TRIP13: variants seen among roughly 807,000 people sequenced by gnomAD.
The protein encoded by TRIP13 is pachytene checkpoint protein 2 homolog.
In TRIP13, 25 loss-of-function variants were observed where a neutral mutation model predicts 54.4. The observed-to-expected ratio is 0.46, with a 90% CI of 0.33 to 0.64. The LOEUF (loss-of-function observed/expected upper bound fraction) is 0.64. Ranked by LOEUF, TRIP13 falls within the 30% of genes least tolerant of loss-of-function variation. The pLI is 0.02. For missense variants in TRIP13, 373 were observed against 534.2 expected, an observed-to-expected ratio of 0.70 and a Z score of 2.97; for synonymous variants, 207 against 207.8, an observed-to-expected ratio of 1.00 and a Z score of 0.03.
chr5:903,484 C>T lies in TRIP13; in HGVS notation c.536-664C>T, dbSNP rs189861945. On this transcript the variant is annotated intron_variant, in intron 5 of 12. Coordinates refer to ENST00000166345, the MANE Select transcript of TRIP13 (RefSeq NM_004237.4). ...ATATAATCATATCTAAGATCTATAT[C>T]TAGTATAATTATTCTTATTTTATTT... Among the ~76,000 whole-genome samples the T allele has an allele frequency of 2.2e-4, 34 of 152,150 alleles. No individual in the cohort carries two copies. The East Asian group carries it at 5.8e-3, about 26-fold the overall frequency.
rs1273664313 is a variant in TRIP13, at chr5:901,235, G to C, written c.445-106G>C. 3.0e-5 allele frequency: 29 copies of C among 973,068 alleles called. No homozygotes were observed. The South Asian group carries it at 4.6e-4, about 15-fold the overall frequency. 60.3% of individuals were successfully genotyped at this position (973,068 alleles called of 1,614,324 possible). A position where few individuals can be genotyped will look rare whatever the true frequency, so the allele number is the denominator to read the frequency against. On this transcript the variant is annotated intron_variant, in intron 4 of 12. Coordinates refer to ENST00000166345, the MANE Select transcript of TRIP13 (RefSeq NM_004237.4). ...CTCTTAGGAGGCGGCCTCGCTCCCT[G>C]TGCTCCCTCTTCTCATGTAGGATTA...
chr5:901,510 G>C, intron 5 of TRIP13, 79 bp downstream of exon 5: 1 of 1,390,368 alleles, frequency 7.2e-7, no homozygotes, highest in Non-Finnish European at 1.0e-6. Flanking sequence ...CCTTCTGCAA[G>C]GAGTTACGGC....
rs1019037516 is a variant in TRIP13, at chr5:900,407, T to C, written c.389-87T>C. 1.5e-5 allele frequency: 20 copies of C among 1,357,290 alleles called. No homozygotes were observed. The African/African-American group carries it at 2.6e-4, about 18-fold the overall frequency. 84.1% of individuals were successfully genotyped at this position (1,357,290 alleles called of 1,614,324 possible). On this transcript the variant is annotated intron_variant, in intron 3 of 12. Transcript: ENST00000166345. ...TGCCTGGAGCAGCACAATGGGAAGC[T>C]CAGGCTTAGGCTCAGGGGAGACTGA... is the stretch of plus-strand genomic sequence containing the variant.
intron 9 of TRIP13, among the ~76,000 whole-genome samples, chr5:910,767 C>T (rs928022457): frequency 6.6e-6 from 1 of 152,234 alleles, no homozygotes. Flanking sequence ...TCGTGATCTG[C>T]AGGCCTAGGC....
In TRIP13 at chr5:917,959, G is replaced by A. The variant is rs546185186; in HGVS notation, c.*856G>A. ...TCACAGTAAAATAAATATAATTAAT[G>A]GTTTGCATGTGAAATTCACTTTTGA... On this transcript the variant is annotated 3_prime_UTR_variant, in exon 13 of 13. Coordinates refer to ENST00000166345, the MANE Select transcript of TRIP13 (RefSeq NM_004237.4). The A allele has an allele frequency of 3.3e-5, 5 of 152,212 alleles. No individual in the cohort carries two copies. In the South Asian group the frequency reaches 6.2e-4, roughly 19 times the overall value. The allele number at this position is 152,212 out of a possible 1,614,324, so 9.4% of individuals were successfully genotyped here. A position where few individuals can be genotyped will look rare whatever the true frequency, so the allele number is the denominator to read the frequency against.
At position 911,832 on chromosome 5, in the gene TRIP13, G is replaced by T. The variant is rs780114634; in HGVS notation, c.867-11G>T. 1.2e-6 allele frequency: 2 copies of T among 1,603,300 alleles called. No homozygotes were observed. The highest frequency in any genetic ancestry group is 2.2e-5 in the East Asian group (1 of 44,734). ...GTGATGACTGTGGTGCTTGCTTCTC[G>T]GCCACAACAGGCATTCCAATGTTGT... On this transcript the variant is annotated splice_polypyrimidine_tract_variant and intron_variant, in intron 9 of 12. Transcript: ENST00000166345. The surrounding 1 kb of genome is among the most constrained non-coding windows in gnomAD (Gnocchi z 4.7).
At chr5:893,902 G>T (rs147909503) in intron 1 of TRIP13, among the ~76,000 whole-genome samples, 2 of 152,096 alleles carry the variant, frequency 1.3e-5, no homozygotes, top group South Asian at 2.1e-4. Flanking sequence ...ACACCTTAGC[G>T]CTCAGAGACA....
rs1012251426 is a variant in TRIP13 at position 900,439 on chromosome 5, G to A, written c.389-55G>A. On this transcript the variant is annotated intron_variant, in intron 3 of 12. Coordinates refer to ENST00000166345, the MANE Select transcript of TRIP13 (RefSeq NM_004237.4). ...TAGGCTCAGGGGAGACTGACTGGGGGTGGCTGTAATTGCTTGCCTTCCTGA... is the reference window on the plus strand; with the variant it reads ...TAGGCTCAGGGGAGACTGACTGGGGATGGCTGTAATTGCTTGCCTTCCTGA... The A allele has an allele frequency of 3.2e-6, 5 of 1,577,798 alleles. No homozygotes were observed. In the African/African-American group the frequency reaches 5.4e-5, roughly 17 times the overall value.
chr5:904,282 T>G, intron 6 of TRIP13, 62 bp downstream of exon 6: 4 of 1,354,920 alleles, frequency 3.0e-6, no homozygotes, highest in Non-Finnish European at 4.0e-6. Flanking sequence ...GGGAGGTTGT[T>G]TTTTTTTTTT....
rs72703185 is a variant in TRIP13 at position 908,473 on chromosome 5, A to G, written c.866+12A>G. On this transcript the variant is annotated intron_variant, in intron 9 of 12. Transcript: ENST00000166345. This position sits in a 1 kb window ranked among gnomAD's most constrained non-coding sequence, Gnocchi z 5.2. The stretch of plus-strand genomic sequence containing the variant: ...GATCAGATTAAAAGGTAACCAGGAC[A>G]TGCAGCAATTTTCCCTGAGAAGTGA... 0.044 allele frequency: 71,291 copies of G among 1,613,168 alleles called. 1,811 individuals are homozygous for G. Among genetic ancestry groups the G allele is most frequent in the Non-Finnish European group, 0.049 (57,820 of 1,179,822 alleles).
In TRIP13 at chr5:895,933, A is replaced by G. The variant is rs146241910; in HGVS notation, c.259-732A>G. ...GGAATTCCATATATCTACACTATGT[A>G]CAATATAGCCATTAAGAAGAATGAA... On this transcript the variant is annotated intron_variant, in intron 2 of 12. Coordinates refer to ENST00000166345, the MANE Select transcript of TRIP13 (RefSeq NM_004237.4). Among the ~76,000 whole-genome samples, 323 of 152,370 alleles carry G rather than the reference A, an allele frequency of 2.1e-3. 2 individuals are homozygous for G. Among genetic ancestry groups the G allele is most frequent in the African/African-American group, 7.5e-3 (310 of 41,580 alleles).
Position 915,830 on chromosome 5 carries a change from C to T in TRIP13, c.1134-74C>T. 6.5e-7 allele frequency: 1 copy of T among 1,535,488 alleles called. No individual in the cohort carries two copies. The highest frequency in any genetic ancestry group is 1.1e-5 in the South Asian group (1 of 89,380). ...GCTTGTGTTCCCAGGGATGCCTCGG[C>T]CAATGAGGAAAATTAGTCCTGAAAC... On this transcript the variant is annotated intron_variant, in intron 11 of 12. Transcript: ENST00000166345. The surrounding 1 kb of genome is among the most constrained non-coding windows in gnomAD (Gnocchi z 4.2).
chr5:896,079 G>A (rs1753907122), intron 2 of TRIP13, among the ~76,000 whole-genome samples: 1 of 152,198 alleles, frequency 6.6e-6, no homozygotes, highest in Non-Finnish European at 1.5e-5. Flanking sequence ...TGTGGGAGAA[G>A]GATGGAAGGA....
At chr5:895,926 A>G (rs776978407) in intron 2 of TRIP13, among the ~76,000 whole-genome samples, 1 of 152,252 alleles carries the variant, frequency 6.6e-6, no homozygotes, top group Non-Finnish European at 1.5e-5. Flanking sequence ...ATATATCTAC[A>G]CTATGTACAA....
At chr5:902,229 G>T (rs976362852) in intron 5 of TRIP13, among the ~76,000 whole-genome samples, 3 of 152,174 alleles carry the variant, frequency 2.0e-5, no homozygotes, top group Non-Finnish European at 4.4e-5. Context: ...CGGGTAGAAT[G>T]GGGACACGGG....
At chr5:895,567 G>A (rs58450609) in intron 2 of TRIP13, among the ~76,000 whole-genome samples, 7,194 of 152,208 alleles carry the variant, frequency 0.047, 532 homozygotes, top group African/African-American at 0.16. Context: ...AGTTCTGCTC[G>A]TGAGGTGGAC....
At chr5:914,849 G>A (rs989331528) in intron 11 of TRIP13, among the ~76,000 whole-genome samples, 5 of 152,116 alleles carry the variant, frequency 3.3e-5, no homozygotes, top group South Asian at 4.1e-4. Context: ...TACGGCTGAC[G>A]ACACTTACAA....
In TRIP13 at chr5:918,017, G is replaced by T. The variant is rs1389668386; in HGVS notation, c.*914G>T. ...TGTTACCTTACCTTTTGTTTTAGAAGTTTTCAAGTATTAAAATATTTTTTA... is the reference window on the plus strand; with the variant it reads ...TGTTACCTTACCTTTTGTTTTAGAATTTTTCAAGTATTAAAATATTTTTTA... On this transcript the variant is annotated 3_prime_UTR_variant, in exon 13 of 13. Transcript: ENST00000166345. This position sits in a 1 kb window ranked among gnomAD's most constrained non-coding sequence, Gnocchi z 4.3. 6.6e-6 allele frequency: 1 copy of T among 152,146 alleles called. No homozygotes were observed. The highest frequency in any genetic ancestry group is 1.5e-5 in the Non-Finnish European group (1 of 68,024). The allele number at this position is 152,146 out of a possible 1,614,324, so 9.4% of individuals were successfully genotyped here. A position where few individuals can be genotyped will look rare whatever the true frequency, so the allele number is the denominator to read the frequency against.
At chr5:916,878 C>A in intron 12 of TRIP13, 130 bp from the exon 13 acceptor site, 1 of 689,402 alleles carries the variant, frequency 1.5e-6, no homozygotes, top group Non-Finnish European at 2.4e-6. Flanking sequence ...TGCGCACTCA[C>A]TGCTCACCTT....
Sources: gnomAD v4.1 joint callset for allele counts (sites outside exome capture counted in the v4.1 genomes callset) on GRCh38, gnomAD v4.1.1 for gene constraint, Gnocchi (gnomAD v3.1) non-coding constraint, MANE v1.5 for transcripts, NCBI Gene and HGNC (gene_info 2026-07-23, HGNC 2026-07-21) for gene names.